DPYD: variants seen among roughly 807,000 people sequenced by gnomAD.
DPYD encodes dihydropyrimidine dehydrogenase, also known as dihydropyrimidine dehydrogenase [NADP(+)].
In DPYD, 109 loss-of-function variants were observed where a neutral mutation model predicts 116.2. The ratio of observed to expected loss-of-function variants is 0.94; its 90% CI spans 0.80 to 1.10. The LOEUF is 1.10. Among genes scored for constraint, DPYD ranks in the 50% least tolerant of loss-of-function variants. The probability of loss-of-function intolerance (pLI) is 0.00; values close to 1 mark genes in which losing one functional copy is unlikely to be tolerated. For synonymous variants in DPYD, 440 were observed against 432.0 expected (o/e 1.02, Z -0.23); for missense variants, 1,302 against 1,254.5 (o/e 1.04, Z -0.57).
At chr1:97,872,049 A>T (rs1283950995) in intron 2 of DPYD, among the ~76,000 whole-genome samples, 1 of 151,836 alleles carries the variant, frequency 6.6e-6, no homozygotes, top group African/African-American at 2.4e-5. Flanking sequence ...TCAAGGTCAT[A>T]CTCTAGTAAA....
At chr1:97,173,617 C>G (rs542933719) in intron 20 of DPYD, among the ~76,000 whole-genome samples, 2 of 150,484 alleles carry the variant, frequency 1.3e-5, no homozygotes, top group South Asian at 4.3e-4. Context: ...CACTCAATCT[C>G]AATTAACTAC....
chr1:97,482,102 C>T (rs1192244385), intron 13 of DPYD, among the ~76,000 whole-genome samples: 2 of 152,042 alleles, frequency 1.3e-5, no homozygotes, highest in Non-Finnish European at 2.9e-5. Context: ...GTCAACTTGA[C>T]AACAATTGAA....
chr1:97,822,236 CTA>C (rs972406547), intron 3 of DPYD, among the ~76,000 whole-genome samples: 1 of 148,884 alleles, frequency 6.7e-6, no homozygotes, highest in African/African-American at 2.5e-5. Context: ...CTCTCTCTCT[CTA>C]TATATATATA....
At chr1:97,296,073 A>G (rs1368252447) in intron 18 of DPYD, 3 of 152,170 alleles carry the variant, frequency 2.0e-5, no homozygotes, top group South Asian at 4.1e-4. Flanking sequence ...CTTACTTTCG[A>G]AAAAAAGCAT....
chr1:97,265,253 T>C (rs989048905), intron 18 of DPYD, among the ~76,000 whole-genome samples: 2 of 152,186 alleles, frequency 1.3e-5, no homozygotes, highest in African/African-American at 4.8e-5. Flanking sequence ...CATACAAGTC[T>C]TAGCCCAAAT....
intron 3 of DPYD, among the ~76,000 whole-genome samples, chr1:97,814,667 T>C (rs1030097156): frequency 1.3e-5 from 2 of 151,888 alleles, no homozygotes; most frequent in Non-Finnish European, 2.9e-5. Flanking sequence ...GTGGATGAAT[T>C]GGTTCAGTGG....
At chr1:97,620,371 C>T (rs183779686) in intron 8 of DPYD, among the ~76,000 whole-genome samples, 5 of 152,220 alleles carry the variant, frequency 3.3e-5, no homozygotes, top group East Asian at 1.9e-4. Context: ...CATGCCACCA[C>T]ACTCCACTAT....
At chr1:97,591,324 A>T (rs573383474) in intron 10 of DPYD, among the ~76,000 whole-genome samples, 1 of 152,276 alleles carries the variant, frequency 6.6e-6, no homozygotes, top group African/African-American at 2.4e-5. Flanking sequence ...TTTATGTGAC[A>T]GTTTATTTGT....
chr1:97,660,441 T>G (rs528283580), intron 8 of DPYD, among the ~76,000 whole-genome samples: 7 of 152,280 alleles, frequency 4.6e-5, no homozygotes, highest in African/African-American at 1.7e-4. Flanking sequence ...GCTTTATTTA[T>G]TCTTTGCTTC....
At chr1:97,081,717 C>CTTTTTTTTTTTTTTT (rs371355751) in intron 22 of DPYD, among the ~76,000 whole-genome samples, 3 of 136,464 alleles carry the variant, frequency 2.2e-5, no homozygotes, top group Admixed American at 7.4e-5. Flanking sequence ...CTTTTCTTTT[C>CTTTTTTTTTTTTTTT]TTTTTTTTTT....
chr1:97,821,425 C>G (rs1043303992), intron 3 of DPYD, among the ~76,000 whole-genome samples: 2 of 150,764 alleles, frequency 1.3e-5, no homozygotes, highest in African/African-American at 4.9e-5. Flanking sequence ...AAAATAGGTA[C>G]AGAATATGAT....
intron 13 of DPYD, among the ~76,000 whole-genome samples, chr1:97,451,597 T>C (rs1676415318): frequency 2.0e-5 from 3 of 152,134 alleles, no homozygotes. Context: ...TGTGAAACCA[T>C]GTTTCACAAT....
chr1:97,515,293 A>C (rs1013838889), intron 13 of DPYD, among the ~76,000 whole-genome samples: 1 of 151,914 alleles, frequency 6.6e-6, no homozygotes, highest in Non-Finnish European at 1.5e-5. Flanking sequence ...CTGTATTCCA[A>C]ATTTATAAAG....
chr1:97,743,519 A>G (rs1462796628), intron 3 of DPYD, among the ~76,000 whole-genome samples: 2 of 152,100 alleles, frequency 1.3e-5, no homozygotes, highest in African/African-American at 4.8e-5. Flanking sequence ...GTGTTGACCT[A>G]TTTTTCTATT....
intron 14 of DPYD, among the ~76,000 whole-genome samples, chr1:97,397,914 T>G (rs1213193487): frequency 1.3e-5 from 2 of 151,878 alleles, no homozygotes; most frequent in Non-Finnish European, 2.9e-5. Flanking sequence ...TAAGAGTATT[T>G]GTAGTTTTAC....
intron 1 of DPYD, among the ~76,000 whole-genome samples, chr1:97,885,217 G>C (rs1672422119): frequency 6.6e-6 from 1 of 151,696 alleles, no homozygotes. Flanking sequence ...AAAAATTATT[G>C]GGTCATGTTC....
At chr1:97,874,589 A>C (rs1671815345) in intron 2 of DPYD, among the ~76,000 whole-genome samples, 1 of 151,972 alleles carries the variant, frequency 6.6e-6, no homozygotes, top group Admixed American at 6.6e-5. Context: ...AGACACTCAG[A>C]GGAATTGCTT....
chr1:97,507,032 T>C (rs1403474123), intron 13 of DPYD, among the ~76,000 whole-genome samples: 4 of 151,974 alleles, frequency 2.6e-5, no homozygotes, highest in African/African-American at 9.7e-5. Flanking sequence ...TACAGGTTCT[T>C]TTGTTGATGA....
At chr1:97,779,222 A>C (rs1666590930) in intron 3 of DPYD, among the ~76,000 whole-genome samples, 1 of 152,090 alleles carries the variant, frequency 6.6e-6, no homozygotes, top group Non-Finnish European at 1.5e-5. Flanking sequence ...GTAACCTAAA[A>C]TTTAGAATCT....
Sources: allele counts gnomAD v4.1 joint callset (sites outside exome capture counted in the v4.1 genomes callset), GRCh38; gene constraint gnomAD v4.1.1; transcripts MANE v1.5; gene names NCBI Gene and HGNC (gene_info 2026-07-23, HGNC 2026-07-21).